The following ATRNL1 variants were observed in gnomAD, a reference collection of about 807,000 sequenced individuals.
ATRNL1 encodes the protein attractin like 1.
ATRNL1 carries 95 observed loss-of-function variants against 182.7 expected under a neutral mutation model. The observed-to-expected ratio is 0.52, with a 90% CI of 0.44 to 0.62. The LOEUF (loss-of-function observed/expected upper bound fraction) is 0.62, where lower values mean the gene tolerates loss of function less well. Ranked by LOEUF, ATRNL1 falls within the 20% of genes least tolerant of loss-of-function variation. The pLI, the probability that ATRNL1 is intolerant of heterozygous loss-of-function variation, is 0.00. For missense variants in ATRNL1, 1,471 were observed against 1,679.5 expected (o/e 0.88, Z 2.17); for synonymous variants, 576 against 568.3 (o/e 1.01, Z -0.19).
chr10:115,169,976 T>A (rs1847222453), intron 7 of ATRNL1, among the ~76,000 whole-genome samples: 3 of 152,158 alleles, frequency 2.0e-5, no homozygotes, highest in Admixed American at 2.0e-4. Context: ...AATTTACTTT[T>A]TGTACATTGA....
chr10:115,396,529 A>G (rs1554955632), intron 20 of ATRNL1, among the ~76,000 whole-genome samples: 1 of 151,980 alleles, frequency 6.6e-6, no homozygotes, highest in Admixed American at 6.6e-5. Flanking sequence ...CCCTGCAATT[A>G]TGTATAATAG....
chr10:115,377,824 G>A (rs1290566649), intron 19 of ATRNL1, among the ~76,000 whole-genome samples: 4 of 152,184 alleles, frequency 2.6e-5, no homozygotes, highest in Admixed American at 6.5e-5. Flanking sequence ...GTCTGAAGAT[G>A]ATGACACTGC....
chr10:115,648,598 A>C (rs113430402), intron 26 of ATRNL1, among the ~76,000 whole-genome samples: 1,959 of 152,320 alleles, frequency 0.013, 34 homozygotes, highest in African/African-American at 0.044. Context: ...TACTGGTACC[A>C]AAACAGAGAT....
Position 115,353,948 on chromosome 10 carries a change from A to C in ATRNL1, c.3175+19529A>C, listed in dbSNP as rs1315808675. ...TTTTCATATTGTCTATCTTTCAAAA[A>C]TTGTTGTAGTTATTATTTTTGATAG... is the stretch of plus-strand genomic sequence containing the variant. On this transcript the variant is annotated intron_variant, in intron 19 of 28. Transcript: ENST00000355044. Among the ~76,000 whole-genome samples the C allele has an allele frequency of 2.0e-5, 3 of 152,060 alleles. No individual in the cohort carries two copies. The East Asian group carries it at 5.8e-4, about 29-fold the overall frequency.
chr10:115,623,131 A>G (rs1857880328), intron 26 of ATRNL1, among the ~76,000 whole-genome samples: 1 of 152,166 alleles, frequency 6.6e-6, no homozygotes. Context: ...TAAAAATTGT[A>G]CAATATAATG....
Position 115,302,048 on chromosome 10 carries a change from G to A in ATRNL1, c.2818+5G>A. The A allele has an allele frequency of 6.2e-7, 1 of 1,605,294 alleles. No individual in the cohort carries two copies. The highest frequency in any genetic ancestry group is 8.5e-7 in the Non-Finnish European group (1 of 1,174,644). Reference sequence around the variant, plus strand: ...GGCAAACTGCCACCTGCTCCCGTAAGTATTTATCTAGAGTGACTTTTCACT... The same window carrying A: ...GGCAAACTGCCACCTGCTCCCGTAAATATTTATCTAGAGTGACTTTTCACT... On this transcript the variant is annotated splice_donor_5th_base_variant and intron_variant, in intron 17 of 28. Coordinates refer to ENST00000355044, the MANE Select transcript of ATRNL1 (RefSeq NM_207303.4).
At chr10:115,184,424 C>T (rs1459264729) in intron 8 of ATRNL1, among the ~76,000 whole-genome samples, 1 of 148,972 alleles carries the variant, frequency 6.7e-6, no homozygotes, top group Non-Finnish European at 1.5e-5. Flanking sequence ...CTATGTATAA[C>T]TATATATATA....
At chr10:115,418,608 C>T (rs1592628277) in intron 20 of ATRNL1, among the ~76,000 whole-genome samples, 1 of 152,062 alleles carries the variant, frequency 6.6e-6, no homozygotes, top group African/African-American at 2.4e-5. Flanking sequence ...TCAAAGGTCA[C>T]CAGATTCAAT....
chr10:115,588,204 C>G (rs1430793545), intron 26 of ATRNL1, among the ~76,000 whole-genome samples: 2 of 152,126 alleles, frequency 1.3e-5, no homozygotes, highest in East Asian at 1.9e-4. Context: ...AGACTGTCCT[C>G]CCTTCTCATC....
chr10:115,173,637 T>C (rs1458980309), intron 8 of ATRNL1, among the ~76,000 whole-genome samples: 3 of 151,910 alleles, frequency 2.0e-5, no homozygotes, highest in African/African-American at 7.2e-5. Flanking sequence ...TTTATAGAAG[T>C]TGCTATTACA....
At chr10:115,593,558 T>C (rs1179857403) in intron 26 of ATRNL1, among the ~76,000 whole-genome samples, 1 of 152,208 alleles carries the variant, frequency 6.6e-6, no homozygotes, top group African/African-American at 2.4e-5. Flanking sequence ...AGAATGAAAC[T>C]GGACTCTTAT....
At chr10:115,802,536 G>A (rs1949822754) in intron 27 of ATRNL1, among the ~76,000 whole-genome samples, 1 of 152,142 alleles carries the variant, frequency 6.6e-6, no homozygotes, top group Admixed American at 6.5e-5. Context: ...GTTATGTTTT[G>A]AGATTACATT....
At chr10:115,209,741 A>G (rs782469709) in intron 8 of ATRNL1, among the ~76,000 whole-genome samples, 5 of 151,958 alleles carry the variant, frequency 3.3e-5, no homozygotes, top group Middle Eastern at 3.2e-3. Flanking sequence ...GAGGTGATCT[A>G]TATGTTGTTA....
At chr10:115,875,168 C>G (rs1951673949) in intron 28 of ATRNL1, among the ~76,000 whole-genome samples, 1 of 152,196 alleles carries the variant, frequency 6.6e-6, no homozygotes, top group African/African-American at 2.4e-5. Context: ...CATTCTACAT[C>G]TCTACCAGTG....
chr10:115,782,842 T>C (rs1949299627), intron 27 of ATRNL1, among the ~76,000 whole-genome samples: 1 of 152,206 alleles, frequency 6.6e-6, no homozygotes, highest in South Asian at 2.1e-4. Flanking sequence ...AGCTTACTCT[T>C]GGGGCAAATT....
chr10:115,413,905 T>G (rs1390486649), intron 20 of ATRNL1, among the ~76,000 whole-genome samples: 1 of 150,782 alleles, frequency 6.6e-6, no homozygotes, highest in African/African-American at 2.5e-5. Context: ...AAATAATAAT[T>G]TATTTATGTG....
At chr10:115,738,154 T>TTTTGTTTTTTTTTTC (rs71010046) in intron 27 of ATRNL1, among the ~76,000 whole-genome samples, 1 of 63,870 alleles carries the variant, frequency 1.6e-5, no homozygotes, top group Non-Finnish European at 3.3e-5. Flanking sequence ...TTTTTTTTTT[T>TTTTGTTTTTTTTTTC]TTGAGATGGA....
At chr10:115,249,558 G>A (rs1210957906) in intron 10 of ATRNL1, among the ~76,000 whole-genome samples, 7 of 151,956 alleles carry the variant, frequency 4.6e-5, no homozygotes, top group African/African-American at 1.7e-4. Context: ...TCAAATTTGG[G>A]TTTGAGAGAA....
At chr10:115,857,052 G>A (rs782706442) in intron 28 of ATRNL1, among the ~76,000 whole-genome samples, 5 of 151,692 alleles carry the variant, frequency 3.3e-5, no homozygotes, top group African/African-American at 1.2e-4. Flanking sequence ...AGACAATTAG[G>A]ATAAAAATCT....
Sources: allele counts gnomAD v4.1 joint callset (sites outside exome capture counted in the v4.1 genomes callset), GRCh38; gene constraint gnomAD v4.1.1; transcripts MANE v1.5; gene names NCBI Gene and HGNC (gene_info 2026-07-23, HGNC 2026-07-21).